The following SIPA1L1 variants were observed in gnomAD, a reference collection of about 807,000 sequenced individuals.
SIPA1L1 encodes the protein signal induced proliferation associated 1 like 1.
In SIPA1L1, 26 loss-of-function variants were observed where a neutral mutation model predicts 162.7. The ratio of observed to expected loss-of-function variants is 0.16; its 90% CI spans 0.12 to 0.22. The LOEUF is 0.22. Among genes scored for constraint, SIPA1L1 ranks in the 10% least tolerant of loss-of-function variants. The pLI, the probability that SIPA1L1 is intolerant of heterozygous loss-of-function variation, is 1.00. For synonymous variants in SIPA1L1, 829 were observed against 837.4 expected (o/e 0.99, Z 0.17); for missense variants, 1,874 against 2,241.0 (o/e 0.84, Z 3.31).
intron 4 of SIPA1L1, among the ~76,000 whole-genome samples, chr14:71,532,699 T>C (rs1393126445): frequency 4.6e-5 from 7 of 152,252 alleles, no homozygotes; most frequent in Non-Finnish European, 1.0e-4. Flanking sequence ...AGGAGACTTG[T>C]TCTTTAAAAG....
chr14:71,624,057 C>T lies in SIPA1L1; in HGVS notation c.1639C>T (p.Leu547=), dbSNP rs760821475. 19 of 1,604,718 alleles carry T rather than the reference C, an allele frequency of 1.2e-5. No homozygotes were observed. The highest frequency in any genetic ancestry group is 1.6e-5 in the Non-Finnish European group (19 of 1,174,974). The change falls in exon 7 of 24, where the codon CTG becomes TTG. Residue 547 remains leucine (L), a synonymous_variant. Transcript: ENST00000381232. ...IIFRTSELMT[L]RGSVLEDAIP... is the part of the protein sequence containing the mutation. Reference sequence around the variant, plus strand: ...CCTGTCTCTCTTGCAGCTCATGACACTGAGAGGTTCGGTCCTGGAGGACGC... The same window carrying T: ...CCTGTCTCTCTTGCAGCTCATGACATTGAGAGGTTCGGTCCTGGAGGACGC...
intron 2 of SIPA1L1, among the ~76,000 whole-genome samples, chr14:71,429,835 A>T (rs2043851684): frequency 6.6e-6 from 1 of 152,210 alleles, no homozygotes; most frequent in Non-Finnish European, 1.5e-5. Flanking sequence ...TTGAAGTTGA[A>T]GGCTAGTTTT....
intron 2 of SIPA1L1, among the ~76,000 whole-genome samples, chr14:71,491,954 T>C (rs1240122414): frequency 2.0e-5 from 3 of 152,150 alleles, no homozygotes; most frequent in East Asian, 3.9e-4. Context: ...GGAAAAATGC[T>C]GTCCTGTTTC....
intron 5 of SIPA1L1, among the ~76,000 whole-genome samples, chr14:71,607,950 C>T (rs2037724257): frequency 6.6e-6 from 1 of 152,150 alleles, no homozygotes; most frequent in Admixed American, 6.5e-5. Flanking sequence ...ATCAAACTTG[C>T]CACCTATTTC....
Position 71,730,182 on chromosome 14 carries a change from C to T in SIPA1L1, c.4742C>T (p.Ala1581Val), listed in dbSNP as rs752008831. Residue 1581 changes from alanine to valine, a missense_variant, in exon 20 of 24, where the codon GCG (alanine) becomes GTG (valine). Ala to Val is a moderately conservative substitution (Grantham distance 64). Transcript: ENST00000381232. ...SQREHFFTSRASLLDQALPND... is the reference protein window; with the variant it reads ...SQREHFFTSRVSLLDQALPND... The stretch of plus-strand genomic sequence containing the variant: ...AGGGAGCACTTTTTCACCTCCAGGG[C>T]GTCACTTCTGGACCAAGCCCTGCCC... The T allele has an allele frequency of 1.2e-5, 20 of 1,614,046 alleles. 1 individual carries two copies. Among genetic ancestry groups the T allele is most frequent in the Middle Eastern group, 1.6e-4 (1 of 6,084 alleles).
chr14:71,444,383 C>T (rs2045177704), intron 2 of SIPA1L1, among the ~76,000 whole-genome samples: 1 of 152,096 alleles, frequency 6.6e-6, no homozygotes, highest in African/African-American at 2.4e-5. Flanking sequence ...TAAAAGTATT[C>T]CATTCAGTAC....
At chr14:71,469,979 G>A (rs1354860969) in intron 2 of SIPA1L1, among the ~76,000 whole-genome samples, 1 of 152,212 alleles carries the variant, frequency 6.6e-6, no homozygotes, top group Non-Finnish European at 1.5e-5. Context: ...GCCTGGGGCA[G>A]CAGCATTAGT....
intron 9 of SIPA1L1, 80 bp downstream of exon 9, chr14:71,658,516 T>C: frequency 1.1e-6 from 1 of 929,132 alleles, no homozygotes; most frequent in Non-Finnish European, 1.8e-6. Context: ...TTGTAAAATC[T>C]TAAACCAGAA....
chr14:71,566,133 C>T (rs1419047674), intron 4 of SIPA1L1, among the ~76,000 whole-genome samples: 1 of 151,810 alleles, frequency 6.6e-6, no homozygotes, highest in African/African-American at 2.4e-5. Flanking sequence ...AACAAAAAAA[C>T]CCAATAGTTT....
chr14:71,673,890 A>T (rs1232976632), intron 12 of SIPA1L1, among the ~76,000 whole-genome samples: 4 of 152,208 alleles, frequency 2.6e-5, no homozygotes, highest in Non-Finnish European at 5.9e-5. Flanking sequence ...GGTTTCCCCA[A>T]GCATATCATC....
At chr14:71,641,477 C>G (rs2041707478) in intron 7 of SIPA1L1, among the ~76,000 whole-genome samples, 1 of 152,152 alleles carries the variant, frequency 6.6e-6, no homozygotes, top group African/African-American at 2.4e-5. Flanking sequence ...AATCCCAGCA[C>G]TTTGGGAGGC....
In SIPA1L1 at chr14:71,407,738, A is replaced by AT. The variant is rs2042126468; in HGVS notation, c.-465+86561dup. On this transcript the variant is annotated intron_variant, in intron 2 of 23. Coordinates refer to ENST00000381232, the MANE Select transcript of SIPA1L1 (RefSeq NM_001386936.1). ...CAGGCTGGTGAATTATTTTTATACCATTTTGTATGTCCTTTTATTTCTTTT... is the reference window on the plus strand; with the variant it reads ...CAGGCTGGTGAATTATTTTTATACCATTTTTGTATGTCCTTTTATTTCTTTT... Among the ~76,000 whole-genome samples the AT allele has an allele frequency of 2.0e-5, 3 of 152,058 alleles. No individual in the cohort carries two copies. In the South Asian group the frequency reaches 6.2e-4, roughly 32 times the overall value.
At chr14:71,499,387 C>T (rs976422319) in intron 2 of SIPA1L1, among the ~76,000 whole-genome samples, 1 of 152,090 alleles carries the variant, frequency 6.6e-6, no homozygotes, top group African/African-American at 2.4e-5. Flanking sequence ...GGAAACTCTT[C>T]CTATGTATGT....
At chr14:71,385,543 C>T (rs979377192) in intron 2 of SIPA1L1, among the ~76,000 whole-genome samples, 4 of 151,938 alleles carry the variant, frequency 2.6e-5, no homozygotes, top group African/African-American at 9.7e-5. Flanking sequence ...TTAAATATTT[C>T]TAGTTGCATT....
intron 2 of SIPA1L1, among the ~76,000 whole-genome samples, chr14:71,498,517 C>T (rs571669365): frequency 1.3e-5 from 2 of 152,176 alleles, no homozygotes; most frequent in Non-Finnish European, 2.9e-5. Flanking sequence ...TACATAAACT[C>T]TGTAACATCT....
chr14:71,428,499 C>G (rs950120603), intron 2 of SIPA1L1, among the ~76,000 whole-genome samples: 1 of 151,848 alleles, frequency 6.6e-6, no homozygotes, highest in Non-Finnish European at 1.5e-5. Context: ...GCACCTTTCC[C>G]TGACCATGCA....
chr14:71,346,098 G>A (rs570546307), intron 2 of SIPA1L1, among the ~76,000 whole-genome samples: 1 of 151,954 alleles, frequency 6.6e-6, no homozygotes, highest in South Asian at 2.1e-4. Context: ...AGTAGAGATG[G>A]GGTTTCACCA....
chr14:71,482,740 T>A (rs1484481578), intron 2 of SIPA1L1, among the ~76,000 whole-genome samples: 2 of 152,200 alleles, frequency 1.3e-5, no homozygotes, highest in African/African-American at 2.4e-5. Flanking sequence ...CTTGTCTGGG[T>A]TCAAAGAATT....
At chr14:71,411,044 A>G (rs529076161) in intron 2 of SIPA1L1, among the ~76,000 whole-genome samples, 1 of 152,302 alleles carries the variant, frequency 6.6e-6, no homozygotes, top group Non-Finnish European at 1.5e-5. Context: ...ATCAGGGAAA[A>G]GAACTTTTGA....
Sources: gnomAD v4.1 joint callset for allele counts (sites outside exome capture counted in the v4.1 genomes callset) on GRCh38, gnomAD v4.1.1 for gene constraint, MANE v1.5 for transcripts, NCBI Gene and HGNC (gene_info 2026-07-23, HGNC 2026-07-21) for gene names.